The following CEP192 variants were observed in gnomAD, a reference collection of about 807,000 sequenced individuals.
CEP192 encodes centrosomal protein of 192 kDa.
In CEP192, 151 loss-of-function variants were observed where a neutral mutation model predicts 271.8. The ratio of observed to expected loss-of-function variants is 0.56; its 90% CI spans 0.49 to 0.64. CEP192 has a LOEUF of 0.64. Ranked by LOEUF, CEP192 falls within the 30% of genes least tolerant of loss-of-function variation. The pLI, the probability that CEP192 is intolerant of heterozygous loss-of-function variation, is 0.00. For synonymous variants in CEP192, 995 were observed against 1,076.5 expected (o/e 0.92, Z 1.48); for missense variants, 2,910 against 3,020.5 (o/e 0.96, Z 0.86).
At chr18:13,100,548 G>T (rs1469486517) in intron 38 of CEP192, 36 bp downstream of exon 38, 1 of 1,460,888 alleles carries the variant, frequency 6.8e-7, no homozygotes, top group South Asian at 1.1e-5. Flanking sequence ...TCAAATGTCT[G>T]CTGATATATT....
intron 11 of CEP192, among the ~76,000 whole-genome samples, chr18:13,031,245 T>G (rs888183761): frequency 3.3e-5 from 4 of 120,264 alleles, no homozygotes; most frequent in South Asian, 5.5e-4. Flanking sequence ...TTATTGTTGT[T>G]TTTTTTTTTT....
chr18:13,110,341 T>C (rs1377934635), intron 40 of CEP192, among the ~76,000 whole-genome samples: 1 of 152,138 alleles, frequency 6.6e-6, no homozygotes, highest in African/African-American at 2.4e-5. Flanking sequence ...AAAGCCACAT[T>C]ACACAAAACA....
chr18:13,014,777 T>C (rs1294996415), intron 5 of CEP192, among the ~76,000 whole-genome samples: 2 of 152,190 alleles, frequency 1.3e-5, no homozygotes, highest in Admixed American at 6.5e-5. Context: ...ATAATTCCTA[T>C]GCTGGTGTTA....
chr18:13,017,172 T>C lies in CEP192; in HGVS notation c.641-16T>C. On this transcript the variant is annotated splice_polypyrimidine_tract_variant and intron_variant, in intron 6 of 44. Transcript: ENST00000506447. ...ACTTTAAAGCATGTCCTGTTTTTTC[T>C]CGATTTTATCAATAGATGATGATAT... 6.5e-7 allele frequency: 1 copy of C among 1,528,770 alleles called. No individual in the cohort carries two copies. The highest frequency in any genetic ancestry group is 8.8e-7 in the Non-Finnish European group (1 of 1,138,474). 94.7% of individuals were successfully genotyped at this position (1,528,770 alleles called of 1,614,324 possible).
At chr18:13,110,733 G>A (rs971941396) in intron 40 of CEP192, among the ~76,000 whole-genome samples, 7 of 152,208 alleles carry the variant, frequency 4.6e-5, no homozygotes, top group Admixed American at 3.3e-4. Context: ...AAAGAAGGAA[G>A]CCAACAGTGC....
intron 21 of CEP192, 34 bp downstream of exon 21, chr18:13,059,346 G>A (rs1415847970): frequency 6.4e-7 from 1 of 1,552,940 alleles, no homozygotes; most frequent in Non-Finnish European, 8.9e-7. Flanking sequence ...TGTCATACCT[G>A]GCATTTTAAA....
chr18:13,111,406 T>G (rs1171288994), intron 40 of CEP192, among the ~76,000 whole-genome samples: 2 of 152,210 alleles, frequency 1.3e-5, no homozygotes, highest in African/African-American at 4.8e-5. Flanking sequence ...ATTGCAGGCG[T>G]GAGCCACCGT....
intron 1 of CEP192, among the ~76,000 whole-genome samples, chr18:12,993,347 C>A (rs961517560): frequency 5.3e-5 from 8 of 152,278 alleles, no homozygotes; most frequent in Non-Finnish European, 1.0e-4. Context: ...GAAGTATGGT[C>A]GTTCCCTCAG....
Position 13,069,873 on chromosome 18 carries a change from A to G in CEP192, c.5174+17A>G, listed in dbSNP as rs749305364. On this transcript the variant is annotated intron_variant, in intron 27 of 44. Coordinates refer to ENST00000506447, the MANE Select transcript of CEP192 (RefSeq NM_032142.4). ...CGAGGAAAGGTAATATAAAAATGTT[A>G]TAATGGACCGGGCACAGTGGCTCAT... 8 of 1,441,970 alleles carry G rather than the reference A, an allele frequency of 5.5e-6. No homozygotes were observed. Among genetic ancestry groups the G allele is most frequent in the Middle Eastern group, 3.5e-4 (2 of 5,750 alleles). 89.3% of individuals were successfully genotyped at this position (1,441,970 alleles called of 1,614,324 possible). A position where few individuals can be genotyped will look rare whatever the true frequency, so the allele number is the denominator to read the frequency against.
intron 38 of CEP192, among the ~76,000 whole-genome samples, chr18:13,102,999 T>C (rs2039785723): frequency 6.6e-6 from 1 of 152,194 alleles, no homozygotes; most frequent in Non-Finnish European, 1.5e-5. Flanking sequence ...TATCTGTTCA[T>C]TGGTTGTTAT....
In CEP192 at chr18:13,042,305, A is replaced by G; in HGVS notation, c.2038A>G (p.Thr680Ala). 1 of 1,614,108 alleles carries G rather than the reference A, an allele frequency of 6.2e-7. No individual in the cohort carries two copies. The highest frequency in any genetic ancestry group is 8.5e-7 in the Non-Finnish European group (1 of 1,179,970). The change falls in exon 15 of 45, where the codon ACG becomes GCG. Residue 680 changes from threonine to alanine, a missense_variant. By Grantham distance (58) the Thr-to-Ala change is moderately conservative. Coordinates refer to ENST00000506447, the MANE Select transcript of CEP192 (RefSeq NM_032142.4). ...STSQVDENDV[T>A]LTADKGKTED... ...TTCACAAGTGGATGAAAATGATGTG[A>G]CGTTAACGGCTGATAAAGGCAAAAC... is the stretch of plus-strand genomic sequence containing the variant.
chr18:13,103,439 G>C, intron 38 of CEP192, 70 bp from the exon 39 acceptor site: 1 of 1,207,420 alleles, frequency 8.3e-7, no homozygotes, highest in Non-Finnish European at 1.2e-6. Context: ...AGGTAGTTAG[G>C]CCTGTCACAG....
At chr18:13,007,337 G>A (rs1314576932) in intron 3 of CEP192, among the ~76,000 whole-genome samples, 1 of 152,092 alleles carries the variant, frequency 6.6e-6, no homozygotes, top group Non-Finnish European at 1.5e-5. Context: ...TAAAAATATG[G>A]GATAGCTGTC....
chr18:13,054,756 C>A (rs1203104376), intron 18 of CEP192, among the ~76,000 whole-genome samples: 1 of 152,160 alleles, frequency 6.6e-6, no homozygotes, highest in Non-Finnish European at 1.5e-5. Flanking sequence ...ATTTCTGAAG[C>A]TTTGGCCAGG....
At chr18:13,043,202 C>A (rs1407211536) in intron 15 of CEP192, among the ~76,000 whole-genome samples, 1 of 152,148 alleles carries the variant, frequency 6.6e-6, no homozygotes, top group East Asian at 1.9e-4. Flanking sequence ...AAGTGCTGTC[C>A]AAGTCTGTTG....
Position 13,049,306 on chromosome 18 carries a change from G to A in CEP192, c.2515G>A (p.Glu839Lys), listed in dbSNP as rs1204377223. ...ATSVSVRAPE[E>K]NTAAIVYVEN... The stretch of plus-strand genomic sequence containing the variant: ...TAGTGTAAGTGTGAGGGCACCAGAA[G>A]AAAACACAGCAGCTATTGTTTATGT... Residue 839 changes from glutamate to lysine, a missense_variant, in exon 16 of 45, where the codon GAA becomes AAA. Coordinates refer to ENST00000506447, the MANE Select transcript of CEP192 (RefSeq NM_032142.4). The A allele has an allele frequency of 1.9e-6, 3 of 1,614,116 alleles. No homozygotes were observed. In the South Asian group the frequency reaches 3.3e-5, roughly 18 times the overall value.
chr18:13,004,175 G>C (rs1032953593), intron 3 of CEP192, among the ~76,000 whole-genome samples: 1 of 152,218 alleles, frequency 6.6e-6, no homozygotes, highest in Non-Finnish European at 1.5e-5. Flanking sequence ...CTCAGAATGA[G>C]TTTCAGAGAG....
At chr18:13,063,280 AGG>A (rs963008045) in intron 21 of CEP192, among the ~76,000 whole-genome samples, 1 of 152,180 alleles carries the variant, frequency 6.6e-6, no homozygotes, top group African/African-American at 2.4e-5. Context: ...TAGTTTTTTG[AGG>A]AACCTCCAAA....
intron 17 of CEP192, 66 bp downstream of exon 17, chr18:13,049,957 T>A: frequency 4.1e-6 from 4 of 972,238 alleles, no homozygotes; most frequent in Non-Finnish European, 4.5e-6. Context: ...GGGAAAAAAA[T>A]GTGTAAAGAA....
Sources: gnomAD v4.1 joint callset for allele counts (sites outside exome capture counted in the v4.1 genomes callset) on GRCh38, gnomAD v4.1.1 for gene constraint, MANE v1.5 for transcripts, NCBI Gene and HGNC (gene_info 2026-07-23, HGNC 2026-07-21) for gene names.